Variants in HLCS observed in about 807,000 individuals in gnomAD.
HLCS encodes the protein holocarboxylase synthetase, also known as biotin--protein ligase.
In HLCS, 53 loss-of-function variants were observed where a neutral mutation model predicts 75.0. The observed-to-expected ratio is 0.71, with a 90% CI of 0.57 to 0.89. The LOEUF (loss-of-function observed/expected upper bound fraction) is 0.89, where lower values mean the gene tolerates loss of function less well. Ranked by LOEUF, HLCS falls within the 40% of genes least tolerant of loss-of-function variation. The pLI is 0.00. For missense variants in HLCS, 966 were observed against 1,074.0 expected (o/e 0.90, Z 1.41); for synonymous variants, 431 against 428.6 (o/e 1.01, Z -0.07).
intron 2 of HLCS, among the ~76,000 whole-genome samples, chr21:36,951,940 A>AT (rs1229499326): frequency 2.0e-5 from 3 of 152,234 alleles, no homozygotes; most frequent in Non-Finnish European, 2.9e-5. Context: ...TGAATGCTAC[A>AT]TTTTTTAAAA....
chr21:36,967,045 G>A (rs1018782050), upstream of HLCS, among the ~76,000 whole-genome samples: 6 of 151,960 alleles, frequency 3.9e-5, no homozygotes, highest in African/African-American at 1.2e-4. Context: ...CGGGGGAGGG[G>A]AGGCTCCAGT....
At chr21:36,815,256 A>C (rs1157677626) in intron 6 of HLCS, among the ~76,000 whole-genome samples, 1 of 152,028 alleles carries the variant, frequency 6.6e-6, no homozygotes, top group Non-Finnish European at 1.5e-5. Flanking sequence ...CTCGAACTCC[A>C]GACCTCAAAT....
rs755212711 is a variant in HLCS, at chr21:36,936,920, G to A, written c.966C>T (p.Ala322=). 2 of 1,614,148 alleles carry A rather than the reference G, an allele frequency of 1.2e-6. No homozygotes were observed. The highest frequency in any genetic ancestry group is 1.1e-5 in the South Asian group (1 of 91,078). ...ACCGGACCTCGTGGAACCGGCCGAGGGCTTCCTGGGAGTCGGAGCCCACAT... is the reference window on the plus strand; with the variant it reads ...ACCGGACCTCGTGGAACCGGCCGAGAGCTTCCTGGGAGTCGGAGCCCACAT... ...LLYVGSDSQE[A]LGRFHEVRSV... The change falls in exon 4 of 11, where the codon GCC becomes GCT. Residue 322 remains alanine (A), a synonymous_variant. Coordinates refer to ENST00000674895, the MANE Select transcript of HLCS (RefSeq NM_001352514.2).
At chr21:36,780,412 GT>G in intron 6 of HLCS, among the ~76,000 whole-genome samples, 1 of 151,882 alleles carries the variant, frequency 6.6e-6, no homozygotes, top group African/African-American at 2.4e-5. Context: ...TAGAGATGGG[GT>G]TTCACCATGT....
intron 9 of HLCS, chr21:36,759,044 T>C (rs1458368791): frequency 6.4e-6 from 3 of 467,478 alleles, no homozygotes; most frequent in Non-Finnish European, 1.3e-5. Context: ...CCTAGAATAA[T>C]ATTGCCCCTT....
At chr21:36,911,117 G>A (rs1025902390) in intron 5 of HLCS, among the ~76,000 whole-genome samples, 1 of 152,188 alleles carries the variant, frequency 6.6e-6, no homozygotes. Flanking sequence ...CAAATTTCCT[G>A]CCTCTTTTGA....
intron 10 of HLCS, 29 bp from the exon 11 acceptor site, chr21:36,754,446 T>C (rs750434336): frequency 6.2e-7 from 1 of 1,604,218 alleles, no homozygotes; most frequent in South Asian, 1.1e-5. Flanking sequence ...GTGCGGTCAC[T>C]GGGAGGTGTC....
At chr21:36,877,591 A>G (rs146588740) in intron 6 of HLCS, among the ~76,000 whole-genome samples, 5 of 152,272 alleles carry the variant, frequency 3.3e-5, no homozygotes, top group African/African-American at 1.2e-4. Flanking sequence ...TGAATGTAAG[A>G]CTATGTAAGA....
At position 36,936,791 on chromosome 21, in the gene HLCS, G is replaced by A; in HGVS notation, c.1095C>T (p.Val365=). ...CGGGAATGGACTCCCTGGTAGCAATGACCAACAGCAGACAGTTGTCCGTCC... is the reference window on the plus strand; with the variant it reads ...CGGGAATGGACTCCCTGGTAGCAATAACCAACAGCAGACAGTTGTCCGTCC... ...DPWTDNCLLL[V]IATRESIPED... The change falls in exon 4 of 11, where the codon GTC becomes GTT. Residue 365 remains valine, a synonymous_variant. Coordinates refer to ENST00000674895, the MANE Select transcript of HLCS (RefSeq NM_001352514.2). 6.2e-7 allele frequency: 1 copy of A among 1,614,184 alleles called. No individual in the cohort carries two copies. The highest frequency in any genetic ancestry group is 8.5e-7 in the Non-Finnish European group (1 of 1,180,040).
chr21:36,764,933 C>T, intron 8 of HLCS, 79 bp downstream of exon 8: 12 of 1,490,954 alleles, frequency 8.0e-6, no homozygotes, highest in Non-Finnish European at 1.1e-5. Flanking sequence ...ACCAATTATG[C>T]AAGCACATGC....
chr21:36,766,279 T>A (rs923077678), intron 7 of HLCS, among the ~76,000 whole-genome samples: 2 of 152,148 alleles, frequency 1.3e-5, no homozygotes, highest in African/African-American at 4.8e-5. Flanking sequence ...TGCCTTGGCC[T>A]CTCAAAGTGG....
At chr21:36,962,277 G>T in intron 1 of HLCS, 107 bp from the exon 2 acceptor site, 1 of 724,776 alleles carries the variant, frequency 1.4e-6, no homozygotes, top group Non-Finnish European at 2.0e-6. Context: ...CAAGTGACAT[G>T]GAAATAAGCT....
At chr21:36,799,151 T>C (rs1270807352) in intron 6 of HLCS, among the ~76,000 whole-genome samples, 2 of 152,246 alleles carry the variant, frequency 1.3e-5, no homozygotes, top group Non-Finnish European at 2.9e-5. Context: ...TTTTTGCAAC[T>C]AAATTTAGGT....
chr21:36,913,710 G>A (rs188274919), intron 5 of HLCS, among the ~76,000 whole-genome samples: 4 of 152,184 alleles, frequency 2.6e-5, no homozygotes, highest in African/African-American at 9.6e-5. Flanking sequence ...GCAGTGAGCC[G>A]AGATGGTGGG....
chr21:36,817,578 T>TG (rs1423962119), intron 6 of HLCS, among the ~76,000 whole-genome samples: 1 of 152,186 alleles, frequency 6.6e-6, no homozygotes, highest in Non-Finnish European at 1.5e-5. Context: ...CCCACTGCAC[T>TG]GGGGCTTCTT....
intron 5 of HLCS, among the ~76,000 whole-genome samples, chr21:36,912,044 C>G (rs2065739538): frequency 6.8e-6 from 1 of 147,514 alleles, no homozygotes; most frequent in African/African-American, 2.5e-5. Context: ...GCACTCCAGC[C>G]TGGGCAACAA....
At chr21:36,788,607 G>A (rs886440126) in intron 6 of HLCS, among the ~76,000 whole-genome samples, 2 of 152,220 alleles carry the variant, frequency 1.3e-5, no homozygotes, top group Middle Eastern at 3.2e-3. Context: ...GAGCAGTAAT[G>A]AGTGTGGGAG....
intron 6 of HLCS, among the ~76,000 whole-genome samples, chr21:36,870,675 T>C (rs1002176514): frequency 6.6e-6 from 1 of 152,190 alleles, no homozygotes; most frequent in Non-Finnish European, 1.5e-5. Context: ...AAAGGGGGCT[T>C]CATGACAAAA....
chr21:36,846,268 C>T (rs571075786), intron 6 of HLCS, among the ~76,000 whole-genome samples: 131 of 152,196 alleles, frequency 8.6e-4, no homozygotes, highest in African/African-American at 3.1e-3. Flanking sequence ...TACCTAGCGG[C>T]AGTCAATAAA....
Sources: allele counts gnomAD v4.1 joint callset (sites outside exome capture counted in the v4.1 genomes callset), GRCh38; gene constraint gnomAD v4.1.1; transcripts MANE v1.5; gene names NCBI Gene and HGNC (gene_info 2026-07-23, HGNC 2026-07-21).